LPIN2: variants seen among roughly 807,000 people sequenced by gnomAD.
LPIN2 encodes the protein phosphatidate phosphatase LPIN2.
LPIN2 carries 55 observed loss-of-function variants against 111.4 expected under a neutral mutation model. The observed-to-expected ratio is 0.49, with a 90% CI of 0.40 to 0.62. The LOEUF is 0.62. Among genes scored for constraint, LPIN2 ranks in the 20% least tolerant of loss-of-function variants. The pLI is 0.00. For synonymous variants in LPIN2, 425 were observed against 414.0 expected (o/e 1.03, Z -0.32); for missense variants, 992 against 1,112.1 (o/e 0.89, Z 1.54).
intron 12 of LPIN2, among the ~76,000 whole-genome samples, chr18:2,927,208 G>GA (rs2077146366): frequency 6.6e-6 from 1 of 152,152 alleles, no homozygotes; most frequent in African/African-American, 2.4e-5. Flanking sequence ...TCTGACATTT[G>GA]AAAAACAGGT....
chr18:2,933,687 C>T lies in LPIN2; in HGVS notation c.1268+664G>A, dbSNP rs2077245289. On this transcript the variant is annotated intron_variant, in intron 8 of 19. Transcript: ENST00000677752. ...CTCAGTATATTCAAGTCATACTTTC[C>T]GTGGAGAAAAGTTGTTTTTTTCTAA... Among the ~76,000 whole-genome samples the T allele has an allele frequency of 2.0e-5, 3 of 152,154 alleles. No homozygotes were observed. The South Asian group carries it at 6.2e-4, about 32-fold the overall frequency.
intron 1 of LPIN2, among the ~76,000 whole-genome samples, chr18:2,966,643 C>T (rs908601872): frequency 6.6e-6 from 1 of 152,212 alleles, no homozygotes; most frequent in African/African-American, 2.4e-5. Context: ...AAGTGGGCTG[C>T]TTTCAGCAAT....
At chr18:3,001,538 G>A (rs2078435244) in intron 1 of LPIN2, among the ~76,000 whole-genome samples, 1 of 152,118 alleles carries the variant, frequency 6.6e-6, no homozygotes, top group Non-Finnish European at 1.5e-5. Flanking sequence ...ATAAAGAATT[G>A]TGCGTGTGAG....
intron 1 of LPIN2, among the ~76,000 whole-genome samples, chr18:2,965,102 G>A (rs535831412): frequency 1.5e-4 from 23 of 151,634 alleles, no homozygotes; most frequent in Admixed American, 4.6e-4. Context: ...TGGGAGCTCC[G>A]AAGGAAAAGA....
intron 18 of LPIN2, 44 bp downstream of exon 18, chr18:2,921,489 T>C: frequency 6.9e-7 from 1 of 1,451,100 alleles, no homozygotes; most frequent in Non-Finnish European, 9.7e-7. Context: ...TACATCCCTC[T>C]GAATTTCACC....
intron 1 of LPIN2, among the ~76,000 whole-genome samples, chr18:2,994,485 A>T (rs974015426): frequency 7.2e-5 from 11 of 152,214 alleles, no homozygotes; most frequent in South Asian, 2.1e-4. Context: ...GCTTTAAAAA[A>T]ATTTTTTAAT....
In LPIN2 at chr18:2,925,110, C is replaced by A; in HGVS notation, c.1938+114G>T. On this transcript the variant is annotated intron_variant, in intron 14 of 19. Coordinates refer to ENST00000677752, the MANE Select transcript of LPIN2 (RefSeq NM_001375808.2). The surrounding 1 kb of genome is among the most constrained non-coding windows in gnomAD (Gnocchi z 4.1). Reference sequence around the variant, plus strand: ...CACTGTGGATAGGCATTGACACGACCATGCCGTGTGGCGTGTATGCAGCTG... The same window carrying A: ...CACTGTGGATAGGCATTGACACGACAATGCCGTGTGGCGTGTATGCAGCTG... The A allele has an allele frequency of 7.4e-7, 1 of 1,352,870 alleles. No homozygotes were observed. Among genetic ancestry groups the A allele is most frequent in the Non-Finnish European group, 1.0e-6 (1 of 960,058 alleles). 83.8% of individuals were successfully genotyped at this position (1,352,870 alleles called of 1,614,324 possible). A position where few individuals can be genotyped will look rare whatever the true frequency, so the allele number is the denominator to read the frequency against.
intron 7 of LPIN2, 129 bp downstream of exon 7, chr18:2,937,563 A>C: frequency 1.4e-6 from 1 of 708,188 alleles, no homozygotes; most frequent in Non-Finnish European, 2.3e-6. Flanking sequence ...AAAAAAAAAA[A>C]AAAAAAAAGT....
chr18:3,008,527 T>C (rs1444302046), intron 1 of LPIN2, among the ~76,000 whole-genome samples: 2 of 152,240 alleles, frequency 1.3e-5, no homozygotes, highest in Non-Finnish European at 2.9e-5. Context: ...AGAAATTCAA[T>C]CTGTCACTAA....
chr18:2,982,872 G>A, intron 1 of LPIN2: 1 of 380,720 alleles, frequency 2.6e-6, no homozygotes, highest in Middle Eastern at 7.4e-4. Context: ...TGCAGACACA[G>A]TTATATGGCT....
At chr18:2,985,573 A>C (rs139226068) in intron 1 of LPIN2, among the ~76,000 whole-genome samples, 1 of 152,314 alleles carries the variant, frequency 6.6e-6, no homozygotes, top group East Asian at 1.9e-4. Context: ...TCCTGTTCAG[A>C]TTCCACAGCT....
At chr18:2,999,334 C>T (rs1264376593) in intron 1 of LPIN2, among the ~76,000 whole-genome samples, 24 of 152,106 alleles carry the variant, frequency 1.6e-4, no homozygotes, top group African/African-American at 9.7e-5. Flanking sequence ...CCGTGGCCCA[C>T]GCCTGTAATC....
chr18:2,955,962 T>C (rs1479018372), intron 2 of LPIN2, among the ~76,000 whole-genome samples: 1 of 152,074 alleles, frequency 6.6e-6, no homozygotes, highest in African/African-American at 2.4e-5. Flanking sequence ...AAAAACCTCC[T>C]ATGTATGAAT....
chr18:2,920,477 C>A, intron 19 of LPIN2, 40 bp from the exon 20 acceptor site: 3 of 1,611,020 alleles, frequency 1.9e-6, no homozygotes, highest in Non-Finnish European at 2.5e-6. Flanking sequence ...GCTATTACTT[C>A]AAGATCGGTC....
chr18:2,944,691 T>A (rs2143036722), intron 4 of LPIN2, among the ~76,000 whole-genome samples: 1 of 152,210 alleles, frequency 6.6e-6, no homozygotes, highest in East Asian at 1.9e-4. Context: ...TAGTTTTCCA[T>A]CAGGGAGGCA....
rs755745409 is a variant in LPIN2, at chr18:2,927,837, C to A, written c.1621-26G>T. On this transcript the variant is annotated intron_variant, in intron 11 of 19. Coordinates refer to ENST00000677752, the MANE Select transcript of LPIN2 (RefSeq NM_001375808.2). ...CTGAAAACAACCAACCTGGGTTAGTCTGGGCAATCTACTGGCCACACAGCA... is the reference window on the plus strand; with the variant it reads ...CTGAAAACAACCAACCTGGGTTAGTATGGGCAATCTACTGGCCACACAGCA... 4 of 1,601,230 alleles carry A rather than the reference C, an allele frequency of 2.5e-6. No individual in the cohort carries two copies. The East Asian group carries it at 8.9e-5, about 36-fold the overall frequency.
chr18:2,928,997 C>A, intron 10 of LPIN2, 68 bp downstream of exon 10: 1 of 991,172 alleles, frequency 1.0e-6, no homozygotes. Flanking sequence ...TTATAAGTAA[C>A]AGTTAAAAAT....
intron 18 of LPIN2, 137 bp downstream of exon 18, chr18:2,921,396 T>C (rs150905034): frequency 8.2e-6 from 6 of 732,808 alleles, no homozygotes; most frequent in African/African-American, 1.7e-5. Context: ...ATAGATCAAG[T>C]GAAAACCGAA....
intron 8 of LPIN2, among the ~76,000 whole-genome samples, chr18:2,933,790 G>A (rs953010239): frequency 6.6e-6 from 1 of 152,138 alleles, no homozygotes; most frequent in East Asian, 1.9e-4. Context: ...TATCATATTT[G>A]AGGCCCATAT....
Sources: allele counts gnomAD v4.1 joint callset (sites outside exome capture counted in the v4.1 genomes callset), GRCh38; gene constraint gnomAD v4.1.1; non-coding constraint Gnocchi (gnomAD v3.1); transcripts MANE v1.5; gene names NCBI Gene and HGNC (gene_info 2026-07-23, HGNC 2026-07-21).